The following YLPM1 variants were observed in gnomAD, a reference collection of about 807,000 sequenced individuals.
YLPM1 encodes the protein YLP motif containing 1.
YLPM1 carries 99 observed loss-of-function variants against 230.0 expected under a neutral mutation model. The observed-to-expected ratio is 0.43, with a 90% CI of 0.37 to 0.51. The LOEUF is 0.51. Among genes scored for constraint, YLPM1 ranks in the 20% least tolerant of loss-of-function variants. The pLI is 0.00. For synonymous variants in YLPM1, 984 were observed against 942.5 expected, an observed-to-expected ratio of 1.04 and a Z score of -0.81; for missense variants, 2,592 against 2,707.7, an observed-to-expected ratio of 0.96 and a Z score of 0.95.
In YLPM1 at chr14:74,774,961, A is replaced by G. The variant is rs551207521; in HGVS notation, c.874-3486A>G. ...ATATTTTGAGCCTGGGAAAAGATCA[A>G]AATTCATGGTATGGTTTCCAGTGAA... On this transcript the variant is annotated intron_variant, in intron 1 of 20. Transcript: ENST00000325680. Among the ~76,000 whole-genome samples the G allele has an allele frequency of 2.6e-5, 4 of 152,346 alleles. No individual in the cohort carries two copies. The South Asian group carries it at 6.2e-4, about 24-fold the overall frequency.
At chr14:74,790,020 C>T (rs973562040) in intron 4 of YLPM1, among the ~76,000 whole-genome samples, 1 of 151,736 alleles carries the variant, frequency 6.6e-6, no homozygotes, top group African/African-American at 2.4e-5. Context: ...TCTAGATTGT[C>T]TTGATTATTC....
intron 4 of YLPM1, among the ~76,000 whole-genome samples, chr14:74,788,145 G>A (rs1332903145): frequency 6.7e-6 from 1 of 149,834 alleles, no homozygotes; most frequent in East Asian, 1.9e-4. Flanking sequence ...TTTTGAGATG[G>A]AGTCTCGCTC....
intron 16 of YLPM1, 60 bp downstream of exon 16, chr14:74,818,374 T>C (rs976510221): frequency 1.3e-4 from 180 of 1,423,446 alleles, no homozygotes; most frequent in Non-Finnish European, 1.6e-4. Flanking sequence ...CCTTTTTACT[T>C]TGAAAAACTT....
At position 74,798,678 on chromosome 14, in the gene YLPM1, G is replaced by A. The variant is rs754356026; in HGVS notation, c.3381G>A (p.Arg1127=). ...GTCAGGAGAGGGGACCTCTTCGAAGGGCTGGGAGTAGAGAGAGAATACCAC... is the reference window on the plus strand; with the variant it reads ...GTCAGGAGAGGGGACCTCTTCGAAGAGCTGGGAGTAGAGAGAGAATACCAC... ...AGSQERGPLR[R]AGSRERIPPR... is the part of the protein sequence containing the mutation. Residue 1127 remains arginine (R), a synonymous_variant, in exon 5 of 21, where the codon AGG becomes AGA. Coordinates refer to ENST00000325680, the MANE Select transcript of YLPM1 (RefSeq NM_019589.3). 6.2e-7 allele frequency: 1 copy of A among 1,611,832 alleles called. No individual in the cohort carries two copies. Among genetic ancestry groups the A allele is most frequent in the Non-Finnish European group, 8.5e-7 (1 of 1,178,696 alleles).
chr14:74,780,555 C>T lies in YLPM1; in HGVS notation c.1261C>T (p.Gln421Ter). The stretch of plus-strand genomic sequence containing the variant: ...ACAGCAGATTCTACAACAGTATCAG[C>T]AGATTATACAGCCCCCACCACATAT... Reference protein sequence around the residue: ...QLQQILQQYQQIIQPPPHIQT... With the variant: ...QLQQILQQYQ The change falls in exon 3 of 21, where the codon CAG becomes TAG. Residue 421 changes from glutamine (Q) to a stop codon, truncating the protein, a stop_gained. Coordinates refer to ENST00000325680, the MANE Select transcript of YLPM1 (RefSeq NM_019589.3). LOFTEE classifies it high-confidence loss of function. 6.2e-7 allele frequency: 1 copy of T among 1,613,738 alleles called. No individual in the cohort carries two copies. The highest frequency in any genetic ancestry group is 8.5e-7 in the Non-Finnish European group (1 of 1,179,714).
chr14:74,835,116 C>G (rs936031534), intron 19 of YLPM1, 149 bp from the exon 20 acceptor site: 2 of 989,208 alleles, frequency 2.0e-6, no homozygotes, highest in African/African-American at 3.3e-5. Context: ...AAATATATGG[C>G]TTTTCCCAGT....
In YLPM1 at chr14:74,802,623, C is replaced by G. The variant is rs750033293; in HGVS notation, c.4468C>G (p.Pro1490Ala). The G allele has an allele frequency of 6.2e-7, 1 of 1,613,338 alleles. No homozygotes were observed. Among genetic ancestry groups the G allele is most frequent in the Non-Finnish European group, 8.5e-7 (1 of 1,179,666 alleles). ...TGAGCCACAGATGGCTGACCATCTACCACCTCAGGAATCAAGATTGCAGAA... is the reference window on the plus strand; with the variant it reads ...TGAGCCACAGATGGCTGACCATCTAGCACCTCAGGAATCAAGATTGCAGAA... ...GSEPQMADHL[P>A]PQESRLQNTS... is the part of the protein sequence containing the mutation. The change falls in exon 6 of 21, where the codon CCA becomes GCA. Residue 1490 changes from proline to alanine, a missense_variant. By Grantham distance (27) the Pro-to-Ala change is conservative. Coordinates refer to ENST00000325680, the MANE Select transcript of YLPM1 (RefSeq NM_019589.3).
At chr14:74,770,176 C>T (rs533636252) in intron 1 of YLPM1, among the ~76,000 whole-genome samples, 155 of 147,444 alleles carry the variant, frequency 1.1e-3, no homozygotes, top group Middle Eastern at 7.1e-3. Flanking sequence ...AGTGAGACTC[C>T]GACTCAAAAA....
intron 12 of YLPM1, 85 bp downstream of exon 12, chr14:74,816,350 A>G: frequency 7.1e-7 from 1 of 1,412,874 alleles, no homozygotes; most frequent in South Asian, 1.2e-5. Flanking sequence ...CAAGCAACAT[A>G]ATGCCAATAG....
At chr14:74,777,924 A>G (rs767967217) in intron 1 of YLPM1, among the ~76,000 whole-genome samples, 8 of 151,938 alleles carry the variant, frequency 5.3e-5, no homozygotes, top group Non-Finnish European at 7.4e-5. Context: ...TCAGTGAGCC[A>G]TGTTCAGGCC....
At chr14:74,805,134 C>A (rs1002301926) in intron 6 of YLPM1, among the ~76,000 whole-genome samples, 24 of 151,808 alleles carry the variant, frequency 1.6e-4, no homozygotes, top group African/African-American at 5.6e-4. Flanking sequence ...ATTCTCCTGC[C>A]TCAGCCTCCC....
At chr14:74,765,180 A>G (rs1160039299) in intron 1 of YLPM1, among the ~76,000 whole-genome samples, 2 of 152,208 alleles carry the variant, frequency 1.3e-5, no homozygotes, top group Non-Finnish European at 2.9e-5. Flanking sequence ...ACAGGGTAAC[A>G]GTAATAAACG....
At position 74,763,551 on chromosome 14, in the gene YLPM1, C is replaced by T. The variant is rs1294223192; in HGVS notation, c.62C>T (p.Pro21Leu). 6.5e-7 allele frequency: 1 copy of T among 1,542,728 alleles called. No individual in the cohort carries two copies. The highest frequency in any genetic ancestry group is 8.7e-7 in the Non-Finnish European group (1 of 1,143,514). ...SSHYPPPPVPPPPPVALPEAS... is the reference protein window; with the variant it reads ...SSHYPPPPVPLPPPVALPEAS... ...CACTATCCGCCGCCACCGGTCCCAC[C>T]GCCGCCGCCAGTGGCGCTTCCTGAG... Residue 21 changes from proline to leucine, a missense_variant, in exon 1 of 21, where the codon CCG (proline) becomes CTG (leucine). Pro to Leu is a moderately conservative substitution (Grantham distance 98, BLOSUM62 -3). This residue lies in a region of YLPM1 where 1,862 missense variants were observed against 1,819.8 expected (regional missense o/e 1.02). Coordinates refer to ENST00000325680, the MANE Select transcript of YLPM1 (RefSeq NM_019589.3).
In YLPM1 at chr14:74,782,343, T is replaced by C; in HGVS notation, c.2282+18T>C. 2 of 1,490,586 alleles carry C rather than the reference T, an allele frequency of 1.3e-6. No individual in the cohort carries two copies. Among genetic ancestry groups the C allele is most frequent in the South Asian group, 2.8e-5 (2 of 70,422 alleles). 92.3% of individuals were successfully genotyped at this position (1,490,586 alleles called of 1,614,324 possible). A position where few individuals can be genotyped will look rare whatever the true frequency, so the allele number is the denominator to read the frequency against. On this transcript the variant is annotated intron_variant, in intron 4 of 20. Coordinates refer to ENST00000325680, the MANE Select transcript of YLPM1 (RefSeq NM_019589.3). ...GGCCCAAGGTAGGTCTGCTTTTTTTTCTCTTTTTTTTTGGTTTGGCTATTT... is the reference window on the plus strand; with the variant it reads ...GGCCCAAGGTAGGTCTGCTTTTTTTCCTCTTTTTTTTTGGTTTGGCTATTT...
At chr14:74,778,316 C>T (rs562857440) in intron 1 of YLPM1, 131 bp from the exon 2 acceptor site, 2 of 740,634 alleles carry the variant, frequency 2.7e-6, no homozygotes, top group South Asian at 2.1e-5. Flanking sequence ...TATTTGTCTT[C>T]CTCAGTCTAG....
chr14:74,810,094 T>G, intron 8 of YLPM1, 92 bp downstream of exon 8: 1 of 1,458,534 alleles, frequency 6.9e-7, no homozygotes. Context: ...GAGCCTCCAT[T>G]TAATACAGCT....
intron 4 of YLPM1, 59 bp from the exon 5 acceptor site, chr14:74,797,521 T>A (rs1004896850): frequency 7.4e-7 from 1 of 1,354,760 alleles, no homozygotes; most frequent in African/African-American, 1.5e-5. Context: ...TATTCTTACA[T>A]GGAGAATTTT....
rs779112462 is a variant in YLPM1, at chr14:74,763,929, C to T, written c.440C>T (p.Pro147Leu). The change falls in exon 1 of 21, where the codon CCT becomes CTT. Residue 147 changes from proline to leucine, a missense_variant. By Grantham distance (98) the Pro-to-Leu change is moderately conservative. Around this residue, in one of 4 missense-constraint regions of YLPM1, gnomAD observed 1,862 missense variants for 1,819.8 expected, o/e 1.02. Coordinates refer to ENST00000325680, the MANE Select transcript of YLPM1 (RefSeq NM_019589.3). ...GLVPMELESP[P>L]ESPPVPPGSY... is the part of the protein sequence containing the mutation. ...GTTCCAATGGAGCTGGAATCCCCCC[C>T]TGAATCTCCCCCTGTGCCGCCTGGG... 4 of 1,153,068 alleles carry T rather than the reference C, an allele frequency of 3.5e-6. No individual in the cohort carries two copies. The highest frequency in any genetic ancestry group is 6.3e-5 in the East Asian group (1 of 15,870). 71.4% of individuals were successfully genotyped at this position (1,153,068 alleles called of 1,614,324 possible). A position where few individuals can be genotyped will look rare whatever the true frequency, so the allele number is the denominator to read the frequency against.
chr14:74,777,747 A>G (rs763071052), intron 1 of YLPM1, among the ~76,000 whole-genome samples: 1 of 151,736 alleles, frequency 6.6e-6, no homozygotes, highest in Non-Finnish European at 1.5e-5. Flanking sequence ...GGCTGAGGTA[A>G]GAGAATTGCT....
Sources: allele counts gnomAD v4.1 joint callset (sites outside exome capture counted in the v4.1 genomes callset), GRCh38; gene constraint gnomAD v4.1.1; regional missense constraint gnomAD v4.1.1; transcripts MANE v1.5; gene names NCBI Gene and HGNC (gene_info 2026-07-23, HGNC 2026-07-21).